The following SPATA4 variants were observed in gnomAD, a reference collection of about 807,000 sequenced individuals.
SPATA4 encodes spermatogenesis-associated protein 4.
Under a neutral mutation model 31.8 loss-of-function variants are expected in SPATA4, and 35 were observed. The observed-to-expected ratio is 1.10, with a 90% confidence interval of 0.84 to 1.46. SPATA4 has a LOEUF of 1.46. Ranked by LOEUF, SPATA4 falls within the 40% of genes most tolerant of loss-of-function variation. The pLI is 0.00. For missense variants in SPATA4, 394 were observed against 363.1 expected, an observed-to-expected ratio of 1.09 and a Z score of -0.69; for synonymous variants, 126 against 132.4, an observed-to-expected ratio of 0.95 and a Z score of 0.33.
chr4:176,186,129 G>T, intron 5 of SPATA4, among the ~76,000 whole-genome samples: 1 of 152,164 alleles, frequency 6.6e-6, no homozygotes, highest in Admixed American at 6.5e-5. Context: ...TTTCAAAAAA[G>T]ATAACAAAAA....
chr4:176,193,585 G>A lies in SPATA4; in HGVS notation c.219-3C>T, dbSNP rs774723090. The A allele has an allele frequency of 1.9e-6, 3 of 1,601,374 alleles. No homozygotes were observed. The highest frequency in any genetic ancestry group is 4.5e-5 in the East Asian group (2 of 44,718). The stretch of plus-strand genomic sequence containing the variant: ...TTAGGAAGCCATTTGAAAAATCTCT[G>A]ATCCGTGGCAATTAGGAAATGAAAT... On this transcript the variant is annotated splice_polypyrimidine_tract_variant and splice_region_variant and intron_variant, in intron 1 of 5. Transcript: ENST00000280191.
At chr4:176,188,343 T>C (rs1242283128) in intron 4 of SPATA4, 108 bp from the exon 5 acceptor site, 5 of 730,242 alleles carry the variant, frequency 6.8e-6, no homozygotes, top group African/African-American at 5.4e-5. Context: ...TTTCTGTTTA[T>C]CATATTCCTG....
intron 4 of SPATA4, among the ~76,000 whole-genome samples, 199 bp downstream of exon 4, chr4:176,192,428 T>G (rs1266833640): frequency 6.6e-6 from 1 of 152,262 alleles, no homozygotes; most frequent in Non-Finnish European, 1.5e-5. Flanking sequence ...TGTTAACTTA[T>G]GCCTTCACCA....
chr4:176,186,810 G>C (rs750187129), intron 5 of SPATA4, among the ~76,000 whole-genome samples: 1 of 151,352 alleles, frequency 6.6e-6, no homozygotes, highest in Non-Finnish European at 1.5e-5. Context: ...GCATATTAAA[G>C]GTTCTGAGAA....
In SPATA4 at chr4:176,193,441, C is replaced by T. The variant is rs2126924857; in HGVS notation, c.348+12G>A. 1.2e-6 allele frequency: 2 copies of T among 1,607,226 alleles called. No homozygotes were observed. The highest frequency in any genetic ancestry group is 1.7e-6 in the Non-Finnish European group (2 of 1,178,258). On this transcript the variant is annotated intron_variant, in intron 2 of 5. Coordinates refer to ENST00000280191, the MANE Select transcript of SPATA4 (RefSeq NM_144644.4). ...TCTTAACAGTTAAAAGTGTAAATGA[C>T]TGCTAACGTACCTTCTCCAACTGTG...
chr4:176,187,934 C>T (rs994495688), intron 5 of SPATA4, among the ~76,000 whole-genome samples, 185 bp downstream of exon 5: 3 of 152,138 alleles, frequency 2.0e-5, no homozygotes, highest in South Asian at 2.1e-4. Flanking sequence ...GAGGGGGCAG[C>T]GACTTAGCAG....
At chr4:176,193,127 C>T in intron 2 of SPATA4, 51 bp from the exon 3 acceptor site, 1 of 1,182,644 alleles carries the variant, frequency 8.5e-7, no homozygotes, top group Non-Finnish European at 1.2e-6. Context: ...TTATAAAAAT[C>T]TCCAAGTACT....
In SPATA4 at chr4:176,195,322, C is replaced by T. The variant is rs766236468; in HGVS notation, c.218+23G>A. ...CAGGCGGGGCGCCCACCGGGGGGGC[C>T]TAGGACTGGCTTACTCAAGCACCTG... On this transcript the variant is annotated intron_variant, in intron 1 of 5. Transcript: ENST00000280191. 1.9e-6 allele frequency: 3 copies of T among 1,613,100 alleles called. No homozygotes were observed. In the South Asian group the frequency reaches 3.3e-5, roughly 18 times the overall value.
At chr4:176,193,326 A>G in intron 2 of SPATA4, 127 bp downstream of exon 2, 1 of 1,196,282 alleles carries the variant, frequency 8.4e-7, no homozygotes, top group Non-Finnish European at 1.2e-6. Context: ...TTTGTAATAC[A>G]CAGGAACAAG....
chr4:176,190,892 CAA>C (rs1449591853), intron 4 of SPATA4, among the ~76,000 whole-genome samples: 1 of 152,046 alleles, frequency 6.6e-6, no homozygotes, highest in East Asian at 1.9e-4. Context: ...TTTACATCTG[CAA>C]AGTCTCTTTG....
rs143816581 is a variant in SPATA4, at chr4:176,195,497, C to A, written c.66G>T (p.Pro22=). The part of the protein sequence containing the change: ...TQTAAALDKS[P]SLSPQLAAPI... Reference sequence around the variant, plus strand: ...GAGCTGCTAGCTGTGGCGAAAGTGACGGTGACTTGTCTAGGGCTGCCGCAG... The same window carrying A: ...GAGCTGCTAGCTGTGGCGAAAGTGAAGGTGACTTGTCTAGGGCTGCCGCAG... Residue 22 remains proline, a synonymous_variant, in exon 1 of 6, where the codon CCG becomes CCT. Coordinates refer to ENST00000280191, the MANE Select transcript of SPATA4 (RefSeq NM_144644.4). 6 of 1,614,144 alleles carry A rather than the reference C, an allele frequency of 3.7e-6. No individual in the cohort carries two copies. The Admixed American group carries it at 5.0e-5, about 13-fold the overall frequency.
At position 176,192,692 on chromosome 4, in the gene SPATA4, A is replaced by G; in HGVS notation, c.623T>C (p.Leu208Pro). ...LSNPNMLTNE[L>P]KAEFLILLHM... ...TAAAAGGATGAGGAACTCCGCTTTA[A>G]GTTCATTGGTCAGCATGTTGGGATT... Residue 208 changes from leucine to proline, a missense_variant, in exon 4 of 6, where the codon CTT (leucine) becomes CCT (proline). Transcript: ENST00000280191. The G allele has an allele frequency of 6.2e-7, 1 of 1,614,096 alleles. No individual in the cohort carries two copies. Among genetic ancestry groups the G allele is most frequent in the Non-Finnish European group, 8.5e-7 (1 of 1,180,004 alleles).
At chr4:176,190,252 G>A (rs540508435) in intron 4 of SPATA4, among the ~76,000 whole-genome samples, 2 of 152,000 alleles carry the variant, frequency 1.3e-5, no homozygotes, top group Non-Finnish European at 2.9e-5. Flanking sequence ...ACGATAGGGG[G>A]GTGGTCTCCT....
At chr4:176,189,531 CAAT>C (rs1237248951) in intron 4 of SPATA4, among the ~76,000 whole-genome samples, 3 of 150,940 alleles carry the variant, frequency 2.0e-5, no homozygotes, top group African/African-American at 2.4e-5. Flanking sequence ...AAATTCATAA[CAAT>C]AAATCACTGT....
intron 4 of SPATA4, among the ~76,000 whole-genome samples, chr4:176,189,081 A>T (rs1181806700): frequency 1.3e-5 from 2 of 152,252 alleles, no homozygotes; most frequent in African/African-American, 4.8e-5. Flanking sequence ...TAAAGAAAAA[A>T]TGTGTTCAAA....
chr4:176,195,545 C>G lies in SPATA4; in HGVS notation c.18G>C (p.Gln6His). ...CAGTCTGTGTCAAATACCCTTTTTC[C>G]TGGCCGGCGGCAGCCATGACGCTTT... Reference protein sequence around the residue: MAAAGQEKGYLTQTAA... With the variant: MAAAGHEKGYLTQTAA... The change falls in exon 1 of 6, where the codon CAG becomes CAC. Residue 6 changes from glutamine (Q) to histidine (H), a missense_variant. Coordinates refer to ENST00000280191, the MANE Select transcript of SPATA4 (RefSeq NM_144644.4). 6.2e-7 allele frequency: 1 copy of G among 1,614,196 alleles called. No homozygotes were observed.
chr4:176,193,470 A>C lies in SPATA4; in HGVS notation c.331T>G (p.Trp111Gly), dbSNP rs1752565102. Residue 111 changes from tryptophan (W) to glycine (G), a missense_variant, in exon 2 of 6, where the codon TGG becomes GGG. By Grantham distance (184) the Trp-to-Gly change is radical (BLOSUM62 -2). Coordinates refer to ENST00000280191, the MANE Select transcript of SPATA4 (RefSeq NM_144644.4). The stretch of plus-strand genomic sequence containing the variant: ...TAACGTACCTTCTCCAACTGTGCCC[A>C]GTTATCCAACTTGACTTTTAAAGAG... Reference protein sequence around the residue: ...GTSLKVKLDNWAQLEKFLARK... With the variant: ...GTSLKVKLDNGAQLEKFLARK... 2 of 1,610,626 alleles carry C rather than the reference A, an allele frequency of 1.2e-6. No individual in the cohort carries two copies. Among genetic ancestry groups the C allele is most frequent in the Non-Finnish European group, 1.7e-6 (2 of 1,177,086 alleles).
chr4:176,193,318 TGTAATACACAGGAACAAGCTGCCAACTCA>T, intron 2 of SPATA4, 106 bp downstream of exon 2: 2 of 1,111,248 alleles, frequency 1.8e-6, no homozygotes, highest in Non-Finnish European at 2.5e-6. Flanking sequence ...TAATAAACTT[TGTAATACACAGGAACAAGCTGCCAACTCA>T]GTATCACACA....
intron 4 of SPATA4, among the ~76,000 whole-genome samples, chr4:176,191,343 C>T (rs998739402): frequency 2.0e-5 from 3 of 152,190 alleles, no homozygotes; most frequent in African/African-American, 7.2e-5. Flanking sequence ...ATCCGCCTGC[C>T]TTGGCCTCCC....
Sources: allele counts gnomAD v4.1 joint callset (sites outside exome capture counted in the v4.1 genomes callset), GRCh38; gene constraint gnomAD v4.1.1; transcripts MANE v1.5; gene names NCBI Gene and HGNC (gene_info 2026-07-23, HGNC 2026-07-21).